Variants in PRKG1 observed in about 807,000 individuals in gnomAD.
PRKG1 encodes the protein protein kinase cGMP-dependent 1.
PRKG1 carries 35 observed loss-of-function variants against 88.1 expected under a neutral mutation model. That is an observed-to-expected ratio of 0.40 (90% CI 0.30 to 0.53). The LOEUF (loss-of-function observed/expected upper bound fraction) is 0.53, where lower values mean the gene tolerates loss of function less well. Ranked by LOEUF, PRKG1 falls within the 20% of genes least tolerant of loss-of-function variation. The pLI, the probability that PRKG1 is intolerant of heterozygous loss-of-function variation, is 0.59. For synonymous variants in PRKG1, 303 were observed against 292.5 expected (o/e 1.04, Z -0.37); for missense variants, 540 against 839.8 (o/e 0.64, Z 4.41).
chr10:51,319,502 C>T (rs2132505562), intron 2 of PRKG1, among the ~76,000 whole-genome samples: 1 of 152,300 alleles, frequency 6.6e-6, no homozygotes, highest in African/African-American at 2.4e-5. Flanking sequence ...GTCACTACTT[C>T]AGGCACATAA....
intron 9 of PRKG1, among the ~76,000 whole-genome samples, chr10:52,246,597 C>T (rs549276151): frequency 6.6e-6 from 1 of 152,206 alleles, no homozygotes; most frequent in South Asian, 2.1e-4. Flanking sequence ...CCCCTATAGG[C>T]CAGTTGTGGT....
intron 5 of PRKG1, among the ~76,000 whole-genome samples, chr10:52,011,312 G>T (rs576863159): frequency 1.3e-5 from 2 of 152,116 alleles, no homozygotes; most frequent in Admixed American, 6.5e-5. Context: ...CTGTTGTTTT[G>T]CCAAAAGCCT....
At chr10:52,146,441 C>T (rs745669163) in intron 8 of PRKG1, among the ~76,000 whole-genome samples, 2 of 152,038 alleles carry the variant, frequency 1.3e-5, no homozygotes, top group Admixed American at 6.6e-5. Flanking sequence ...GCTAGATGTA[C>T]TATAGATAAA....
At chr10:52,049,060 G>T (rs1358699338) in intron 5 of PRKG1, among the ~76,000 whole-genome samples, 1 of 152,170 alleles carries the variant, frequency 6.6e-6, no homozygotes, top group East Asian at 1.9e-4. Context: ...TCTTCTCGCA[G>T]GAGGCTTTGC....
chr10:51,405,705 C>T lies in PRKG1; in HGVS notation c.479-62018C>T, dbSNP rs1250017154. Among the ~76,000 whole-genome samples the T allele has an allele frequency of 2.0e-5, 3 of 152,082 alleles. No individual in the cohort carries two copies. In the South Asian group the frequency reaches 6.2e-4, roughly 31 times the overall value. On this transcript the variant is annotated intron_variant, in intron 2 of 17. Coordinates refer to ENST00000373980, the MANE Select transcript of PRKG1 (RefSeq NM_006258.4). Reference sequence around the variant, plus strand: ...TTGTGTCTCATCCTGCTTTTCTGGTCCTGTGTTTTGGCATGAGGCAACCTT... The same window carrying T: ...TTGTGTCTCATCCTGCTTTTCTGGTTCTGTGTTTTGGCATGAGGCAACCTT...
At chr10:51,696,716 T>C (rs1253742041) in intron 3 of PRKG1, 2 of 151,976 alleles carry the variant, frequency 1.3e-5, no homozygotes, top group Non-Finnish European at 2.9e-5. Flanking sequence ...TCCTGTCTGG[T>C]TGAGCAAATG....
rs71857599 is a variant in PRKG1 at position 52,267,041 on chromosome 10, A to AATC, written c.1174-4278_1174-4276dup. On this transcript the variant is annotated intron_variant, in intron 10 of 17. Transcript: ENST00000373980. ...CATAGCTCTAACCAACTTGCTAAAA[A>AATC]ATCATCATCATCATCATCATCATCA... is the stretch of plus-strand genomic sequence containing the variant. Among the ~76,000 whole-genome samples, 1,309 of 150,758 alleles carry AATC rather than the reference A, an allele frequency of 8.7e-3. 33 individuals are homozygous for AATC. The highest frequency in any genetic ancestry group is 0.05 in the Admixed American group (753 of 15,126).
chr10:52,014,800 G>A (rs552040942), intron 5 of PRKG1, among the ~76,000 whole-genome samples: 2 of 152,312 alleles, frequency 1.3e-5, no homozygotes, highest in South Asian at 4.1e-4. Context: ...GGGGCCACAG[G>A]CCCCATGTAA....
chr10:52,023,498 T>A (rs1406330320), intron 5 of PRKG1, among the ~76,000 whole-genome samples: 1 of 152,246 alleles, frequency 6.6e-6, no homozygotes, highest in Non-Finnish European at 1.5e-5. Flanking sequence ...CACACTCTCT[T>A]CCACAATGGT....
At chr10:51,574,699 A>G (rs1837840971) in intron 3 of PRKG1, among the ~76,000 whole-genome samples, 1 of 151,978 alleles carries the variant, frequency 6.6e-6, no homozygotes, top group Admixed American at 6.6e-5. Context: ...CCTACTACAG[A>G]TGTGTGAGAA....
intron 3 of PRKG1, among the ~76,000 whole-genome samples, chr10:51,534,130 C>T (rs975675909): frequency 6.6e-6 from 1 of 152,086 alleles, no homozygotes; most frequent in African/African-American, 2.4e-5. Context: ...CTCATAAAAT[C>T]CCTTATGAAT....
chr10:51,971,205 G>T (rs1464037166), intron 5 of PRKG1, among the ~76,000 whole-genome samples: 2 of 151,854 alleles, frequency 1.3e-5, no homozygotes, highest in Non-Finnish European at 2.9e-5. Flanking sequence ...AGGTTTCCAG[G>T]ATTTGGCAAT....
rs1333118925 is a variant in PRKG1 at position 51,965,728 on chromosome 10, C to T, written c.762+58158C>T. 2.6e-5 allele frequency among the ~76,000 whole-genome samples: 4 copies of T among 151,934 alleles called. No individual in the cohort carries two copies. The East Asian group carries it at 7.7e-4, about 29-fold the overall frequency. On this transcript the variant is annotated intron_variant, in intron 5 of 17. Coordinates refer to ENST00000373980, the MANE Select transcript of PRKG1 (RefSeq NM_006258.4). ...TCTGGATGAAAGTATTTACAAATTCCAATATGAAAAAAATTACAATTGAGA... is the reference window on the plus strand; with the variant it reads ...TCTGGATGAAAGTATTTACAAATTCTAATATGAAAAAAATTACAATTGAGA...
At chr10:51,271,734 C>G (rs529420875) in intron 2 of PRKG1, among the ~76,000 whole-genome samples, 6 of 152,198 alleles carry the variant, frequency 3.9e-5, no homozygotes, top group Non-Finnish European at 8.8e-5. Context: ...CATGTCCCTG[C>G]AAAGGGCATG....
chr10:51,258,350 C>T (rs563529442), intron 2 of PRKG1, among the ~76,000 whole-genome samples: 10 of 152,108 alleles, frequency 6.6e-5, no homozygotes, highest in Non-Finnish European at 1.3e-4. Context: ...CATGTGATTT[C>T]GACATTTTAA....
intron 7 of PRKG1, among the ~76,000 whole-genome samples, chr10:52,090,516 G>GA (rs58119124): frequency 0.14 from 20,555 of 152,054 alleles, 1,894 homozygotes; most frequent in East Asian, 0.31. Flanking sequence ...AAGGGAAATA[G>GA]AAAATCATCA....
chr10:51,233,576 G>T (rs1412234576), intron 2 of PRKG1, among the ~76,000 whole-genome samples: 1 of 152,100 alleles, frequency 6.6e-6, no homozygotes, highest in South Asian at 2.1e-4. Flanking sequence ...GAACCAGATG[G>T]CACTCAAAAA....
chr10:51,149,310 C>G (rs970032034), intron 1 of PRKG1, among the ~76,000 whole-genome samples: 43 of 152,174 alleles, frequency 2.8e-4, no homozygotes, highest in African/African-American at 1.0e-3. Context: ...TGTAGAATAT[C>G]CTTTTATTAG....
intron 2 of PRKG1, among the ~76,000 whole-genome samples, chr10:51,306,949 C>A (rs920208678): frequency 1.3e-5 from 2 of 152,086 alleles, no homozygotes; most frequent in Non-Finnish European, 2.9e-5. Context: ...CTCAAGGGTT[C>A]TTTTGTCTGC....
Sources: gnomAD v4.1 joint callset for allele counts (sites outside exome capture counted in the v4.1 genomes callset) on GRCh38, gnomAD v4.1.1 for gene constraint, MANE v1.5 for transcripts, NCBI Gene and HGNC (gene_info 2026-07-23, HGNC 2026-07-21) for gene names.